Variants in PCSK5 observed in about 807,000 individuals in gnomAD.
PCSK5 encodes prohormone convertase 5.
PCSK5 carries 129 observed loss-of-function variants against 233.2 expected under a neutral mutation model. The observed-to-expected ratio is 0.55, with a 90% confidence interval of 0.48 to 0.64. The LOEUF (loss-of-function observed/expected upper bound fraction) is 0.64, where lower values mean the gene tolerates loss of function less well. Ranked by LOEUF, PCSK5 falls within the 30% of genes least tolerant of loss-of-function variation. The pLI is 0.00. For missense variants in PCSK5, 2,076 were observed against 2,430.1 expected, an observed-to-expected ratio of 0.85 and a Z score of 3.06; for synonymous variants, 825 against 879.2, an observed-to-expected ratio of 0.94 and a Z score of 1.09.
chr9:76,231,273 G>A (rs1826069286), intron 21 of PCSK5, among the ~76,000 whole-genome samples: 1 of 152,066 alleles, frequency 6.6e-6, no homozygotes, highest in Non-Finnish European at 1.5e-5. Context: ...ACTATCACGA[G>A]AACAGCATGA....
intron 17 of PCSK5, among the ~76,000 whole-genome samples, chr9:76,185,786 ACT>A (rs1398247903): frequency 2.0e-5 from 3 of 152,158 alleles, no homozygotes; most frequent in Non-Finnish European, 4.4e-5. Flanking sequence ...GGGGCAAGTC[ACT>A]TAACTACTCC....
intron 35 of PCSK5, among the ~76,000 whole-genome samples, chr9:76,347,382 GGT>G (rs1436909689): frequency 6.6e-6 from 1 of 152,056 alleles, no homozygotes; most frequent in Non-Finnish European, 1.5e-5. Flanking sequence ...ATAGATGTAG[GGT>G]GTTAAACTTT....
At chr9:76,189,997 A>AT (rs1564094356) in intron 20 of PCSK5, among the ~76,000 whole-genome samples, 1 of 152,134 alleles carries the variant, frequency 6.6e-6, no homozygotes. Context: ...AATAAACTTT[A>AT]TTTTTTGAGA....
intron 5 of PCSK5, among the ~76,000 whole-genome samples, chr9:76,032,363 G>A (rs10124182): frequency 0.025 from 3,854 of 152,204 alleles, 117 homozygotes; most frequent in South Asian, 0.082. Flanking sequence ...GGGCTGAATT[G>A]GGAGAAAATT....
intron 35 of PCSK5, among the ~76,000 whole-genome samples, chr9:76,343,462 C>CAA (rs774056609): frequency 6.6e-6 from 1 of 151,816 alleles, no homozygotes; most frequent in Non-Finnish European, 1.5e-5. Flanking sequence ...CTCAGCCTCC[C>CAA]AAAGTGCTGG....
chr9:75,950,743 T>C (rs1824817648), intron 2 of PCSK5, among the ~76,000 whole-genome samples: 1 of 152,082 alleles, frequency 6.6e-6, no homozygotes, highest in Admixed American at 6.6e-5. Flanking sequence ...ACATGACAAA[T>C]TGTAAAGACC....
chr9:76,254,662 G>C (rs1350025587), intron 24 of PCSK5, among the ~76,000 whole-genome samples: 1 of 152,166 alleles, frequency 6.6e-6, no homozygotes, highest in Non-Finnish European at 1.5e-5. Context: ...AATAGCAAGT[G>C]CTGCTGTCTC....
chr9:76,155,010 G>T (rs1204794334), intron 10 of PCSK5, among the ~76,000 whole-genome samples: 2 of 151,828 alleles, frequency 1.3e-5, no homozygotes, highest in African/African-American at 4.8e-5. Flanking sequence ...TTTTCATTTT[G>T]TTTATTTTCT....
intron 20 of PCSK5, among the ~76,000 whole-genome samples, chr9:76,208,777 C>G (rs746079094): frequency 6.6e-6 from 1 of 152,136 alleles, no homozygotes; most frequent in Non-Finnish European, 1.5e-5. Context: ...ATTGCTCATG[C>G]GGTATTTTTT....
chr9:76,350,240 T>C (rs1830085087), intron 35 of PCSK5, among the ~76,000 whole-genome samples: 1 of 152,188 alleles, frequency 6.6e-6, no homozygotes, highest in African/African-American at 2.4e-5. Context: ...TTTTCATTTA[T>C]CAATATTTTT....
In PCSK5 at chr9:76,157,256, T is replaced by G. The variant is rs933183276; in HGVS notation, c.1430+94T>G. On this transcript the variant is annotated intron_variant, in intron 11 of 37. Coordinates refer to ENST00000674117, the MANE Select transcript of PCSK5 (RefSeq NM_001372043.1). Reference sequence around the variant, plus strand: ...ACAGCCTCTTGTTGCACACAGAAGCTAAAAGCTTCTGTAGTTTCTCTCTAA... The same window carrying G: ...ACAGCCTCTTGTTGCACACAGAAGCGAAAAGCTTCTGTAGTTTCTCTCTAA... The G allele has an allele frequency of 6.4e-6, 5 of 781,742 alleles. No homozygotes were observed. The African/African-American group carries it at 6.8e-5, about 11-fold the overall frequency. 48.4% of individuals were successfully genotyped at this position (781,742 alleles called of 1,614,324 possible).
chr9:76,282,173 A>G (rs117448551), intron 24 of PCSK5, among the ~76,000 whole-genome samples: 15,256 of 112,048 alleles, frequency 0.14, 1,371 homozygotes, highest in African/African-American at 0.28. Context: ...GCTGGAGCAC[A>G]GTGGTGTGAT....
chr9:76,234,732 CAAT>C (rs1334223715), intron 22 of PCSK5, among the ~76,000 whole-genome samples: 1 of 152,112 alleles, frequency 6.6e-6, no homozygotes, highest in African/African-American at 2.4e-5. Flanking sequence ...TGAGATAAAA[CAAT>C]AAAGCATTTA....
At chr9:76,007,525 A>G (rs1192157407) in intron 3 of PCSK5, among the ~76,000 whole-genome samples, 2 of 152,160 alleles carry the variant, frequency 1.3e-5, no homozygotes, top group African/African-American at 2.4e-5. Context: ...TTGATACAGT[A>G]AGAATTATTT....
intron 2 of PCSK5, among the ~76,000 whole-genome samples, chr9:75,944,184 A>ATATAT (rs1554663520): frequency 1.3e-5 from 2 of 149,472 alleles, no homozygotes; most frequent in Admixed American, 6.7e-5. Flanking sequence ...AAAGAAAAAA[A>ATATAT]ATATATATAT....
intron 14 of PCSK5, among the ~76,000 whole-genome samples, chr9:76,176,869 GT>G (rs1823638712): frequency 6.6e-6 from 1 of 152,112 alleles, no homozygotes; most frequent in Non-Finnish European, 1.5e-5. Context: ...CTACAAATTG[GT>G]TTTGTTGTCC....
At chr9:76,219,234 A>T (rs1825643158) in intron 20 of PCSK5, among the ~76,000 whole-genome samples, 1 of 152,136 alleles carries the variant, frequency 6.6e-6, no homozygotes, top group Non-Finnish European at 1.5e-5. Flanking sequence ...AGTGTGGGAG[A>T]TGAATGATGA....
At chr9:76,171,638 G>A (rs1475453240) in intron 13 of PCSK5, among the ~76,000 whole-genome samples, 1 of 152,106 alleles carries the variant, frequency 6.6e-6, no homozygotes, top group African/African-American at 2.4e-5. Flanking sequence ...AGCTTACTAT[G>A]ATTATGTGCA....
intron 1 of PCSK5, among the ~76,000 whole-genome samples, chr9:75,899,060 A>C (rs1318959019): frequency 1.3e-5 from 2 of 152,176 alleles, no homozygotes; most frequent in Non-Finnish European, 2.9e-5. Flanking sequence ...GAGCCATGAC[A>C]ATGGAAAGAT....
Sources: allele counts gnomAD v4.1 joint callset (sites outside exome capture counted in the v4.1 genomes callset), GRCh38; gene constraint gnomAD v4.1.1; transcripts MANE v1.5; gene names NCBI Gene and HGNC (gene_info 2026-07-23, HGNC 2026-07-21).